Variants in QKI observed in about 807,000 individuals in gnomAD.
The protein encoded by QKI is QKI, KH domain containing RNA binding.
QKI carries 10 observed loss-of-function variants against 39.0 expected under a neutral mutation model. The observed-to-expected ratio is 0.26, with a 90% CI of 0.16 to 0.43. The LOEUF is 0.43. Ranked by LOEUF, QKI falls within the 20% of genes least tolerant of loss-of-function variation. QKI has a pLI of 1.00. For missense variants in QKI, 218 were observed against 428.0 expected, an observed-to-expected ratio of 0.51 and a Z score of 4.33; for synonymous variants, 204 against 155.4, an observed-to-expected ratio of 1.31 and a Z score of -2.33.
In QKI at chr6:163,503,741, T is replaced by A. The variant is rs914751160; in HGVS notation, c.402+24845T>A. Among the ~76,000 whole-genome samples, 10 of 152,198 alleles carry A rather than the reference T, an allele frequency of 6.6e-5. No individual in the cohort carries two copies. The East Asian group carries it at 7.7e-4, about 12-fold the overall frequency. ...CTTTAATCTGTTTTGAGGTTTTTTT[T>A]AAACTGTTATTTTTTGGAGACAGAG... On this transcript the variant is annotated intron_variant, in intron 3 of 7. Transcript: ENST00000361752.
chr6:163,471,056 T>G (rs1312208500), intron 2 of QKI, among the ~76,000 whole-genome samples: 3 of 152,122 alleles, frequency 2.0e-5, no homozygotes, highest in Non-Finnish European at 4.4e-5. Context: ...TCATACTTAC[T>G]GATAAACATG....
At chr6:163,555,509 CA>C (rs55958646) in intron 4 of QKI, among the ~76,000 whole-genome samples, 17,055 of 78,346 alleles carry the variant, frequency 0.22, 471 homozygotes, top group African/African-American at 0.29. Flanking sequence ...AACTCCAGCT[CA>C]AAAAAAAAAA....
intron 3 of QKI, among the ~76,000 whole-genome samples, chr6:163,480,401 A>G (rs1209062203): frequency 6.6e-6 from 1 of 152,104 alleles, no homozygotes; most frequent in Non-Finnish European, 1.5e-5. Context: ...ATGAATACCA[A>G]ACCCACAGGG....
intron 1 of QKI, among the ~76,000 whole-genome samples, chr6:163,442,568 G>A (rs1036338358): frequency 3.3e-5 from 5 of 152,218 alleles, no homozygotes; most frequent in African/African-American, 1.2e-4. Context: ...GGTTAGAGCT[G>A]TAATGTTAGG....
chr6:163,545,869 T>C (rs1392388344), intron 4 of QKI, among the ~76,000 whole-genome samples: 1 of 151,650 alleles, frequency 6.6e-6, no homozygotes, highest in African/African-American at 2.4e-5. Flanking sequence ...CTAGGAAATA[T>C]TTTTGCATTT....
intron 1 of QKI, among the ~76,000 whole-genome samples, chr6:163,439,185 C>T (rs1789543063): frequency 1.3e-5 from 2 of 152,064 alleles, no homozygotes; most frequent in Non-Finnish European, 2.9e-5. Flanking sequence ...GTGTCTGATA[C>T]CACAGAAAGA....
At chr6:163,441,808 C>T (rs1406857945) in intron 1 of QKI, among the ~76,000 whole-genome samples, 1 of 152,002 alleles carries the variant, frequency 6.6e-6, no homozygotes, top group African/African-American at 2.4e-5. Context: ...GCTAGCAATT[C>T]CTTGTGTGGA....
At chr6:163,441,337 T>C (rs1789749107) in intron 1 of QKI, among the ~76,000 whole-genome samples, 1 of 151,990 alleles carries the variant, frequency 6.6e-6, no homozygotes, top group African/African-American at 2.4e-5. Context: ...GGAAGAGGAG[T>C]AAGCTAGCTA....
intron 1 of QKI, among the ~76,000 whole-genome samples, chr6:163,419,030 T>C (rs1787777887): frequency 6.6e-6 from 1 of 152,054 alleles, no homozygotes; most frequent in Non-Finnish European, 1.5e-5. Context: ...GAAAAATTAG[T>C]GTGTGGCTCA....
rs188849032 is a variant in QKI at position 163,488,138 on chromosome 6, T to C, written c.402+9242T>C. On this transcript the variant is annotated intron_variant, in intron 3 of 7. Coordinates refer to ENST00000361752, the MANE Select transcript of QKI (RefSeq NM_006775.3). The stretch of plus-strand genomic sequence containing the variant: ...TGAAGATATTATTTTTAACTGGCGC[T>C]CAAGTTGTTTGGCCATTGGAGGGAC... Among the ~76,000 whole-genome samples the C allele has an allele frequency of 1.4e-4, 22 of 152,298 alleles. No individual in the cohort carries two copies. In the East Asian group the frequency reaches 3.9e-3, roughly 27 times the overall value.
Position 163,551,429 on chromosome 6 carries a change from T to C in QKI, c.547-10553T>C, listed in dbSNP as rs192392002. On this transcript the variant is annotated intron_variant, in intron 4 of 7. Coordinates refer to ENST00000361752, the MANE Select transcript of QKI (RefSeq NM_006775.3). ...ACTTCTTCCTTACCTTACTTTATTCTAGCTTAGCCTAACTCTGAGGTTCAA... is the reference window on the plus strand; with the variant it reads ...ACTTCTTCCTTACCTTACTTTATTCCAGCTTAGCCTAACTCTGAGGTTCAA... Among the ~76,000 whole-genome samples the C allele has an allele frequency of 4.6e-3, 706 of 152,370 alleles. 1 individual carries two copies. The highest frequency in any genetic ancestry group is 6.5e-3 in the Non-Finnish European group (442 of 68,028).
Position 163,566,981 on chromosome 6 carries a change from C to T in QKI, c.1009+186C>T. ...TTTTTGTTTTGGTTTGGTTTTTTCTCCCTTCATATTTTAACTTATTAAATC... is the reference window on the plus strand; with the variant it reads ...TTTTTGTTTTGGTTTGGTTTTTTCTTCCTTCATATTTTAACTTATTAAATC... On this transcript the variant is annotated intron_variant, in intron 7 of 7. Transcript: ENST00000361752. 9 of 1,359,266 alleles carry T rather than the reference C, an allele frequency of 6.6e-6. No individual in the cohort carries two copies. In the South Asian group the frequency reaches 1.1e-4, roughly 17 times the overall value. 84.2% of individuals were successfully genotyped at this position (1,359,266 alleles called of 1,614,324 possible). A position where few individuals can be genotyped will look rare whatever the true frequency, so the allele number is the denominator to read the frequency against.
At position 163,541,462 on chromosome 6, in the gene QKI, T is replaced by C. The variant is rs867748627; in HGVS notation, c.546+6337T>C. Reference sequence around the variant, plus strand: ...ATTCTGTATTGTTTATAGATGAAGATAGTTGAAAGCACTCAGATCTTCTCC... The same window carrying C: ...ATTCTGTATTGTTTATAGATGAAGACAGTTGAAAGCACTCAGATCTTCTCC... On this transcript the variant is annotated intron_variant, in intron 4 of 7. Coordinates refer to ENST00000361752, the MANE Select transcript of QKI (RefSeq NM_006775.3). Among the ~76,000 whole-genome samples the C allele has an allele frequency of 3.3e-5, 5 of 151,192 alleles. No individual in the cohort carries two copies. The South Asian group carries it at 1.0e-3, about 31-fold the overall frequency.
chr6:163,416,129 G>A (rs1178334168), intron 1 of QKI, among the ~76,000 whole-genome samples: 2 of 151,950 alleles, frequency 1.3e-5, no homozygotes, highest in Non-Finnish European at 2.9e-5. Flanking sequence ...GAACTTGGGC[G>A]GAGGGTTTGC....
In QKI at chr6:163,564,726, A is replaced by T. The variant is rs779112503; in HGVS notation, c.934+1007A>T. ...AGCCCATTGACTTGCTGGATGAAGG[A>T]CTAGAATACAGCAGCTGTTATAACA... On this transcript the variant is annotated intron_variant, in intron 6 of 7. Transcript: ENST00000361752. The T allele has an allele frequency of 1.9e-6, 3 of 1,614,062 alleles. No homozygotes were observed. In the South Asian group the frequency reaches 3.3e-5, roughly 18 times the overall value.
intron 1 of QKI, among the ~76,000 whole-genome samples, chr6:163,450,054 T>C (rs781303305): frequency 4.6e-5 from 7 of 151,896 alleles, no homozygotes; most frequent in Non-Finnish European, 8.8e-5. Flanking sequence ...TATATGTGTA[T>C]ATATATATGT....
chr6:163,517,003 C>G (rs1285493246), intron 3 of QKI, among the ~76,000 whole-genome samples: 1 of 151,694 alleles, frequency 6.6e-6, no homozygotes, highest in Non-Finnish European at 1.5e-5. Flanking sequence ...TAAAGAAAAG[C>G]TTAACAAGTT....
At chr6:163,537,755 C>T (rs1781288795) in intron 4 of QKI, among the ~76,000 whole-genome samples, 1 of 152,154 alleles carries the variant, frequency 6.6e-6, no homozygotes. Flanking sequence ...GCTTACCTTC[C>T]TTCATCCCCA....
At chr6:163,450,464 T>G (rs537121377) in intron 1 of QKI, among the ~76,000 whole-genome samples, 17 of 152,292 alleles carry the variant, frequency 1.1e-4, no homozygotes, top group Admixed American at 4.6e-4. Context: ...AAGACAAACA[T>G]GAGCTGAGGC....
Sources: gnomAD v4.1 joint callset for allele counts (sites outside exome capture counted in the v4.1 genomes callset) on GRCh38, gnomAD v4.1.1 for gene constraint, MANE v1.5 for transcripts, NCBI Gene and HGNC (gene_info 2026-07-23, HGNC 2026-07-21) for gene names.